Variants in HACD4 observed in about 807,000 individuals in gnomAD.
HACD4 encodes the protein very-long-chain (3R)-3-hydroxyacyl-CoA dehydratase 4.
Under a neutral mutation model 33.3 loss-of-function variants are expected in HACD4, and 35 were observed. That is an observed-to-expected ratio of 1.05 (90% CI 0.80 to 1.39). HACD4 has a LOEUF of 1.39. Among genes scored for constraint, HACD4 ranks in the 40% most tolerant of loss-of-function variants. The pLI, the probability that HACD4 is intolerant of heterozygous loss-of-function variation, is 0.00. For missense variants in HACD4, 323 were observed against 276.5 expected, an observed-to-expected ratio of 1.17 and a Z score of -1.19; for synonymous variants, 118 against 98.0, an observed-to-expected ratio of 1.20 and a Z score of -1.21.
chr9:21,020,851 T>C lies in HACD4; in HGVS notation c.271-4841A>G, dbSNP rs182918030. Among the ~76,000 whole-genome samples, 77 of 152,352 alleles carry C rather than the reference T, an allele frequency of 5.1e-4. 2 individuals are homozygous for C. The highest frequency in any genetic ancestry group is 1.7e-3 in the African/African-American group (72 of 41,578). On this transcript the variant is annotated intron_variant, in intron 3 of 6. Coordinates refer to ENST00000495827, the MANE Select transcript of HACD4 (RefSeq NM_001010915.5). ...CCAAAGCGTATAAAAAAATAAAATATATGTCAGTCAAATGATTATTGTCTT... is the reference window on the plus strand; with the variant it reads ...CCAAAGCGTATAAAAAAATAAAATACATGTCAGTCAAATGATTATTGTCTT...
rs1366574359 is a variant in HACD4, at chr9:21,005,876, T to G, written c.*1161A>C. On this transcript the variant is annotated 3_prime_UTR_variant, in exon 7 of 7. Transcript: ENST00000495827. The surrounding 1 kb of genome is among the most constrained non-coding windows in gnomAD (Gnocchi z 4.0). ...CCTTCCTTTTTTCCTGTTTCTTGCTTTGGGAATAGGAATGTCCACCCTTTG... is the reference window on the plus strand; with the variant it reads ...CCTTCCTTTTTTCCTGTTTCTTGCTGTGGGAATAGGAATGTCCACCCTTTG... 6.6e-6 allele frequency: 1 copy of G among 152,262 alleles called. No homozygotes were observed. The highest frequency in any genetic ancestry group is 2.4e-5 in the African/African-American group (1 of 41,462). The allele number at this position is 152,262 out of a possible 1,614,324, so 9.4% of individuals were successfully genotyped here. A position where few individuals can be genotyped will look rare whatever the true frequency, so the allele number is the denominator to read the frequency against.
intron 2 of HACD4, among the ~76,000 whole-genome samples, chr9:21,028,137 AAAAAAAAAAAAAAAGAAAAAAG>A (rs1249397103): frequency 6.7e-6 from 1 of 148,300 alleles, no homozygotes; most frequent in African/African-American, 2.5e-5. Context: ...CTCCATCTCA[AAAAAAAAAAAAAAAGAAAAAAG>A]AAAAGAAAAA....
intron 5 of HACD4, among the ~76,000 whole-genome samples, chr9:21,009,277 T>A (rs918384737): frequency 1.3e-5 from 2 of 152,186 alleles, no homozygotes; most frequent in African/African-American, 4.8e-5. Context: ...ATCCAGAGCA[T>A]TATTGACATT....
At chr9:21,021,516 G>C (rs897502655) in intron 3 of HACD4, among the ~76,000 whole-genome samples, 1 of 152,160 alleles carries the variant, frequency 6.6e-6, no homozygotes, top group Non-Finnish European at 1.5e-5. Context: ...AAGCTGATAA[G>C]CAACTTCAGC....
In HACD4 at chr9:21,000,902, C is replaced by T. The variant is rs1446885800; in HGVS notation, c.*6135G>A. 6.6e-6 allele frequency: 1 copy of T among 151,878 alleles called. No individual in the cohort carries two copies. Among genetic ancestry groups the T allele is most frequent in the African/African-American group, 2.4e-5 (1 of 41,344 alleles). 9.4% of individuals were successfully genotyped at this position (151,878 alleles called of 1,614,324 possible). A position where few individuals can be genotyped will look rare whatever the true frequency, so the allele number is the denominator to read the frequency against. ...TCTATTTGTACTTCTGAAATAAATACAGTTTCTCACATTTGACAACTTGCT... is the reference window on the plus strand; with the variant it reads ...TCTATTTGTACTTCTGAAATAAATATAGTTTCTCACATTTGACAACTTGCT... On this transcript the variant is annotated 3_prime_UTR_variant, in exon 7 of 7. Transcript: ENST00000495827.
chr9:21,010,393 A>G (rs1842383645), intron 5 of HACD4, among the ~76,000 whole-genome samples: 1 of 148,896 alleles, frequency 6.7e-6, no homozygotes, highest in African/African-American at 2.5e-5. Flanking sequence ...GTGTTCATTG[A>G]GCATGTATAC....
intron 3 of HACD4, among the ~76,000 whole-genome samples, chr9:21,023,827 A>G (rs4495517): frequency 0.93 from 142,198 of 152,214 alleles, 66,721 homozygotes; most frequent in East Asian, 1. Context: ...CGACCGCCTC[A>G]GCCTCCCAAA....
chr9:21,024,445 C>T (rs1587838647), intron 3 of HACD4, among the ~76,000 whole-genome samples: 1 of 152,172 alleles, frequency 6.6e-6, no homozygotes, highest in East Asian at 1.9e-4. Flanking sequence ...TGTATATTTG[C>T]CCCTATGTTT....
Position 21,000,530 on chromosome 9 carries a change from A to C in HACD4, c.*6507T>G, listed in dbSNP as rs1842151663. ...TCAACTATCTTTAGTGGAGCCCTGG[A>C]ATCTGCATTCTAAACAGGTGAACTT... On this transcript the variant is annotated 3_prime_UTR_variant, in exon 7 of 7. Transcript: ENST00000495827. 1 of 152,136 alleles carries C rather than the reference A, an allele frequency of 6.6e-6. No individual in the cohort carries two copies. The highest frequency in any genetic ancestry group is 1.5e-5 in the Non-Finnish European group (1 of 68,004). The allele number at this position is 152,136 out of a possible 1,614,324, so 9.4% of individuals were successfully genotyped here.
intron 6 of HACD4, among the ~76,000 whole-genome samples, 162 bp from the exon 7 acceptor site, chr9:21,007,281 C>T (rs1226132053): frequency 1.3e-5 from 2 of 152,068 alleles, no homozygotes; most frequent in Non-Finnish European, 2.9e-5. Context: ...AGATTTTATG[C>T]AGAAAGAGAG....
At position 21,025,669 on chromosome 9, in the gene HACD4, C is replaced by G. The variant is rs182618128; in HGVS notation, c.270+927G>C. ...GAAAATCTTTATTTTTATTTTTTTGCCTTTATCCAGCAATGATTTTCTACA... is the reference window on the plus strand; with the variant it reads ...GAAAATCTTTATTTTTATTTTTTTGGCTTTATCCAGCAATGATTTTCTACA... On this transcript the variant is annotated intron_variant, in intron 3 of 6. Transcript: ENST00000495827. Among the ~76,000 whole-genome samples the G allele has an allele frequency of 3.8e-3, 573 of 152,022 alleles. 4 individuals are homozygous for G. Among genetic ancestry groups the G allele is most frequent in the Non-Finnish European group, 5.8e-3 (396 of 67,934 alleles).
rs1312436748 is a variant in HACD4, at chr9:21,002,037, C to T, written c.*5000G>A. ...TTTGTTTTCTACATAGAGACTACTG[C>T]ATTTTTAAAAATTGATTTTGGACAC... On this transcript the variant is annotated 3_prime_UTR_variant, in exon 7 of 7. Transcript: ENST00000495827. 6.6e-6 allele frequency: 1 copy of T among 152,100 alleles called. No individual in the cohort carries two copies. The highest frequency in any genetic ancestry group is 1.5e-5 in the Non-Finnish European group (1 of 67,984). The allele number at this position is 152,100 out of a possible 1,614,324, so 9.4% of individuals were successfully genotyped here.
At position 21,005,631 on chromosome 9, in the gene HACD4, C is replaced by G. The variant is rs1006065237; in HGVS notation, c.*1406G>C. Reference sequence around the variant, plus strand: ...TCAGAGAACATCAGTGGTACCTTCTCAGTTTCAAAAGGGGCAGTCATTGCC... The same window carrying G: ...TCAGAGAACATCAGTGGTACCTTCTGAGTTTCAAAAGGGGCAGTCATTGCC... On this transcript the variant is annotated 3_prime_UTR_variant, in exon 7 of 7. Transcript: ENST00000495827. This position sits in a 1 kb window ranked among gnomAD's most constrained non-coding sequence, Gnocchi z 4.0. The G allele has an allele frequency of 6.6e-6, 1 of 152,226 alleles. No individual in the cohort carries two copies. Among genetic ancestry groups the G allele is most frequent in the South Asian group, 2.1e-4 (1 of 4,822 alleles). 9.4% of individuals were successfully genotyped at this position (152,226 alleles called of 1,614,324 possible).
chr9:21,007,366 C>T (rs894236014), intron 6 of HACD4, among the ~76,000 whole-genome samples: 1 of 152,114 alleles, frequency 6.6e-6, no homozygotes, highest in Non-Finnish European at 1.5e-5. Flanking sequence ...GCTCTCTCCA[C>T]CTTCCTCTAA....
chr9:21,025,711 A>G (rs1405571981), intron 3 of HACD4, among the ~76,000 whole-genome samples: 1 of 152,204 alleles, frequency 6.6e-6, no homozygotes, highest in African/African-American at 2.4e-5. Context: ...CACTACTAGT[A>G]AATTTCCCAT....
chr9:21,007,925 C>G, intron 6 of HACD4, 96 bp downstream of exon 6: 1 of 1,147,918 alleles, frequency 8.7e-7, no homozygotes, highest in Non-Finnish European at 1.2e-6. Flanking sequence ...TCTTTGGTCT[C>G]TCCCATGTTT....
intron 3 of HACD4, 33 bp from the exon 4 acceptor site, chr9:21,016,043 A>G: frequency 6.9e-7 from 1 of 1,439,360 alleles, no homozygotes; most frequent in Admixed American, 1.7e-5. Flanking sequence ...AGAAATTAGG[A>G]CATCTATTAG....
At chr9:21,008,962 C>G (rs1217219048) in intron 5 of HACD4, among the ~76,000 whole-genome samples, 6 of 151,954 alleles carry the variant, frequency 3.9e-5, no homozygotes, top group Non-Finnish European at 7.4e-5. Context: ...CTGTTAGAGC[C>G]AAGCAGAGGT....
intron 4 of HACD4, among the ~76,000 whole-genome samples, chr9:21,013,058 C>G (rs890584668): frequency 3.5e-5 from 5 of 143,082 alleles, no homozygotes; most frequent in African/African-American, 1.3e-4. Flanking sequence ...GAGAGCAAGA[C>G]TCCATCTCAA....
Sources: allele counts gnomAD v4.1 joint callset (sites outside exome capture counted in the v4.1 genomes callset), GRCh38; gene constraint gnomAD v4.1.1; non-coding constraint Gnocchi (gnomAD v3.1); transcripts MANE v1.5; gene names NCBI Gene and HGNC (gene_info 2026-07-23, HGNC 2026-07-21).